The following SRRM4 variants were observed in gnomAD, a reference collection of about 807,000 sequenced individuals.
The protein encoded by SRRM4 is serine/arginine repetitive matrix protein 4.
SRRM4 carries 33 observed loss-of-function variants against 68.9 expected under a neutral mutation model. The observed-to-expected ratio is 0.48, with a 90% CI of 0.36 to 0.64. SRRM4 has a LOEUF of 0.64. Among genes scored for constraint, SRRM4 ranks in the 30% least tolerant of loss-of-function variants. The pLI, the probability that SRRM4 is intolerant of heterozygous loss-of-function variation, is 0.00. For synonymous variants in SRRM4, 318 were observed against 318.8 expected, an observed-to-expected ratio of 1.00 and a Z score of 0.03; for missense variants, 817 against 827.1, an observed-to-expected ratio of 0.99 and a Z score of 0.15.
intron 1 of SRRM4, among the ~76,000 whole-genome samples, chr12:118,997,190 G>A (rs991742616): frequency 2.6e-5 from 4 of 152,248 alleles, no homozygotes; most frequent in Non-Finnish European, 4.4e-5. Context: ...GAACTGAGTC[G>A]CTAGTAATGA....
chr12:119,042,101 A>G (rs1243565774), intron 1 of SRRM4, among the ~76,000 whole-genome samples: 1 of 152,196 alleles, frequency 6.6e-6, no homozygotes, highest in Non-Finnish European at 1.5e-5. Context: ...AAAGACTCCA[A>G]GACTTTCCCA....
chr12:119,075,449 A>ATGGTGATGG (rs1953903320), intron 1 of SRRM4, among the ~76,000 whole-genome samples: 1 of 109,370 alleles, frequency 9.1e-6, no homozygotes. Flanking sequence ...GGTGATGATG[A>ATGGTGATGG]TGGTGATGAT....
chr12:119,022,368 A>G (rs1481007282), intron 1 of SRRM4, among the ~76,000 whole-genome samples: 2 of 152,174 alleles, frequency 1.3e-5, no homozygotes, highest in Non-Finnish European at 2.9e-5. Context: ...TTCAGTCACA[A>G]CCATGGTTAT....
At chr12:119,067,386 A>G (rs1315372237) in intron 1 of SRRM4, among the ~76,000 whole-genome samples, 3 of 152,066 alleles carry the variant, frequency 2.0e-5, no homozygotes, top group African/African-American at 4.8e-5. Flanking sequence ...TCATGAGTCT[A>G]TCAGGTCAGA....
Position 119,121,104 on chromosome 12 carries a change from T to G in SRRM4, c.464+828T>G, listed in dbSNP as rs374556324. Among the ~76,000 whole-genome samples, 85 of 152,332 alleles carry G rather than the reference T, an allele frequency of 5.6e-4. No homozygotes were observed. In the East Asian group the frequency reaches 9.4e-3, roughly 17 times the overall value. ...GTTTTAAAGGGACGGGTAACTACCC[T>G]GATGTCACACAGCAGCTAAGAAGCA... On this transcript the variant is annotated intron_variant, in intron 5 of 12. Coordinates refer to ENST00000267260, the MANE Select transcript of SRRM4 (RefSeq NM_194286.4).
At chr12:119,088,889 A>G (rs890432588) in intron 1 of SRRM4, among the ~76,000 whole-genome samples, 4 of 152,240 alleles carry the variant, frequency 2.6e-5, no homozygotes, top group Non-Finnish European at 5.9e-5. Context: ...ACATTGATTA[A>G]GTGCTTACTC....
At chr12:119,052,079 G>A (rs1035939424) in intron 1 of SRRM4, among the ~76,000 whole-genome samples, 3 of 152,194 alleles carry the variant, frequency 2.0e-5, no homozygotes, top group Non-Finnish European at 4.4e-5. Flanking sequence ...TGCCTCTCGG[G>A]AGTCTATTTG....
chr12:119,052,153 T>TTGA (rs1344085003), intron 1 of SRRM4, among the ~76,000 whole-genome samples: 6 of 152,204 alleles, frequency 3.9e-5, no homozygotes, highest in African/African-American at 7.2e-5. Flanking sequence ...ATTCATCTGC[T>TTGA]TGATGCCACA....
chr12:119,035,358 A>G (rs1166867416), intron 1 of SRRM4, among the ~76,000 whole-genome samples: 2 of 152,164 alleles, frequency 1.3e-5, no homozygotes, highest in East Asian at 1.9e-4. Context: ...AGTTTGACCA[A>G]TGTGTTTGAG....
intron 9 of SRRM4, 33 bp from the exon 10 acceptor site, chr12:119,150,984 A>C (rs1160982109): frequency 1.9e-6 from 3 of 1,603,054 alleles, no homozygotes; most frequent in African/African-American, 1.3e-5. Flanking sequence ...AGTAGTGGGC[A>C]GTCGGTGCTC....
chr12:119,114,332 A>G lies in SRRM4; in HGVS notation c.333A>G (p.Lys111=). The change falls in exon 3 of 13, where the codon AAA becomes AAG. Residue 111 remains lysine (K), a synonymous_variant. Transcript: ENST00000267260. The part of the protein sequence containing the change: ...TPPPSSRGKK[K]KKKSTRKKRR... The stretch of plus-strand genomic sequence containing the variant: ...CACCTTCCTCCAGGGGAAAGAAGAA[A>G]AAGAAGAAATCCACTCGGAAGAAGA... The G allele has an allele frequency of 6.2e-7, 1 of 1,611,462 alleles. No homozygotes were observed. Among genetic ancestry groups the G allele is most frequent in the African/African-American group, 1.3e-5 (1 of 75,030 alleles).
intron 1 of SRRM4, among the ~76,000 whole-genome samples, chr12:118,987,759 G>GT (rs1565883896): frequency 6.6e-6 from 1 of 152,168 alleles, no homozygotes; most frequent in African/African-American, 2.4e-5. Flanking sequence ...TAAATGATAG[G>GT]TTTTTTCGTT....
chr12:119,099,122 C>CTTATTATTA (rs60429184), intron 1 of SRRM4, among the ~76,000 whole-genome samples: 2 of 151,254 alleles, frequency 1.3e-5, no homozygotes, highest in Admixed American at 6.6e-5. Flanking sequence ...CTTGCTGTTC[C>CTTATTATTA]TTATTATTAT....
intron 1 of SRRM4, among the ~76,000 whole-genome samples, chr12:119,089,098 A>C (rs75011919): frequency 1.3e-5 from 2 of 151,974 alleles, no homozygotes; most frequent in Non-Finnish European, 2.9e-5. Context: ...CCTGCCCCTC[A>C]TCAACAGAGA....
chr12:119,142,409 T>C (rs1438887521), intron 8 of SRRM4, among the ~76,000 whole-genome samples: 4 of 152,188 alleles, frequency 2.6e-5, no homozygotes, highest in Non-Finnish European at 5.9e-5. Context: ...ACTCTGAAAG[T>C]ATCCCTGTGA....
intron 1 of SRRM4, among the ~76,000 whole-genome samples, chr12:119,061,755 C>T (rs1156532614): frequency 6.6e-6 from 1 of 151,962 alleles, no homozygotes; most frequent in Non-Finnish European, 1.5e-5. Flanking sequence ...GCATTATTGA[C>T]ATATGGGGCT....
Position 119,156,644 on chromosome 12 carries a change from G to T in SRRM4, c.1682G>T (p.Arg561Leu). 1 of 1,591,306 alleles carries T rather than the reference G, an allele frequency of 6.3e-7. No individual in the cohort carries two copies. Among genetic ancestry groups the T allele is most frequent in the Non-Finnish European group, 8.5e-7 (1 of 1,170,644 alleles). The change falls in exon 13 of 13, where the codon CGG (arginine) becomes CTG (leucine). Residue 561 changes from arginine to leucine, a missense_variant. By Grantham distance (102) the Arg-to-Leu change is moderately radical. Transcript: ENST00000267260. ...CGGAGTCGGAGCCGGAGCCGGAGAC[G>T]GAGCCGGACCCGCACGAGCAGCAGC... ...RSRSRSRSRR[R>L]SRTRTSSSSS...
chr12:119,054,177 G>A (rs1953762937), intron 1 of SRRM4, among the ~76,000 whole-genome samples: 1 of 152,150 alleles, frequency 6.6e-6, no homozygotes, highest in Non-Finnish European at 1.5e-5. Context: ...TTAACGTAAT[G>A]ATCTCCAGTT....
chr12:119,136,470 GTTTGTTTTGT>G lies in SRRM4; in HGVS notation c.771+5654_771+5663del, dbSNP rs375418674. Among the ~76,000 whole-genome samples, 967 of 152,016 alleles carry G rather than the reference GTTTGTTTTGT, an allele frequency of 6.4e-3. 16 individuals carry two copies. Among genetic ancestry groups the G allele is most frequent in the African/African-American group, 0.022 (910 of 41,384 alleles). Reference sequence around the variant, plus strand: ...GGGATTTTCTGGGCCATTGGTTTTTGTTTGTTTTGTTTTGTTTTGTTTTGTTTAATGGGAA... The same window carrying G: ...GGGATTTTCTGGGCCATTGGTTTTTGTTTGTTTTGTTTTGTTTAATGGGAA... On this transcript the variant is annotated intron_variant, in intron 8 of 12. Coordinates refer to ENST00000267260, the MANE Select transcript of SRRM4 (RefSeq NM_194286.4).
Sources: gnomAD v4.1 joint callset for allele counts (sites outside exome capture counted in the v4.1 genomes callset) on GRCh38, gnomAD v4.1.1 for gene constraint, MANE v1.5 for transcripts, NCBI Gene and HGNC (gene_info 2026-07-23, HGNC 2026-07-21) for gene names.